SGCZ: variants seen among roughly 807,000 people sequenced by gnomAD.
SGCZ encodes the protein zeta-sarcoglycan.
SGCZ carries 40 observed loss-of-function variants against 41.3 expected under a neutral mutation model. The observed-to-expected ratio is 0.97, with a 90% CI of 0.75 to 1.26. The LOEUF (loss-of-function observed/expected upper bound fraction) is 1.26. Ranked by LOEUF, SGCZ falls within the 50% of genes most tolerant of loss-of-function variation. SGCZ has a pLI of 0.00. For missense variants in SGCZ, 552 were observed against 369.8 expected, an observed-to-expected ratio of 1.49 and a Z score of -4.04; for synonymous variants, 206 against 137.5, an observed-to-expected ratio of 1.50 and a Z score of -3.49.
chr8:15,003,362 A>G (rs1199182500), intron 1 of SGCZ, among the ~76,000 whole-genome samples: 1 of 152,146 alleles, frequency 6.6e-6, no homozygotes, highest in African/African-American at 2.4e-5. Context: ...GTATATCTTT[A>G]TTAGCAGCAT....
At chr8:14,642,011 G>A (rs1368020785) in intron 1 of SGCZ, among the ~76,000 whole-genome samples, 1 of 151,594 alleles carries the variant, frequency 6.6e-6, no homozygotes, top group Non-Finnish European at 1.5e-5. Flanking sequence ...GACCTACATA[G>A]TGTCTTATCT....
At chr8:14,185,669 G>C (rs1332030293) in intron 4 of SGCZ, among the ~76,000 whole-genome samples, 1 of 151,744 alleles carries the variant, frequency 6.6e-6, no homozygotes, top group Non-Finnish European at 1.5e-5. Flanking sequence ...GTTTTGTTTT[G>C]TTGTGTTTTG....
chr8:15,083,824 G>A (rs1251056801), intron 1 of SGCZ, among the ~76,000 whole-genome samples: 2 of 152,052 alleles, frequency 1.3e-5, no homozygotes, highest in African/African-American at 4.8e-5. Context: ...TAGCTCTTGG[G>A]CTCAAACAGT....
In SGCZ at chr8:14,164,632, A is replaced by G; in HGVS notation, c.495T>C (p.Phe165=). The change falls in exon 5 of 8, where the codon TTT becomes TTC. Residue 165 remains phenylalanine (F), a synonymous_variant. Coordinates refer to ENST00000382080, the MANE Select transcript of SGCZ (RefSeq NM_139167.4). ...VRASEDGRVL[F]SADEDEITIG... is the part of the protein sequence containing the mutation. ...TGGTAATCTCATCTTCATCTGCAGA[A>G]AACAGCACCCTGCCATCTTCACTGG... is the stretch of plus-strand genomic sequence containing the variant. 1 of 1,613,644 alleles carries G rather than the reference A, an allele frequency of 6.2e-7. No individual in the cohort carries two copies.
chr8:14,839,823 C>A (rs570245900), intron 1 of SGCZ, among the ~76,000 whole-genome samples: 1 of 152,264 alleles, frequency 6.6e-6, no homozygotes, highest in Non-Finnish European at 1.5e-5. Flanking sequence ...TCTATTACTT[C>A]ATCTAGCCTG....
intron 2 of SGCZ, among the ~76,000 whole-genome samples, chr8:14,400,878 G>A (rs1799052158): frequency 6.6e-6 from 1 of 152,128 alleles, no homozygotes; most frequent in Non-Finnish European, 1.5e-5. Context: ...GATCTCCAAA[G>A]AGTTTAAATT....
At position 14,195,754 on chromosome 8, in the gene SGCZ, T is replaced by C. The variant is rs77030788; in HGVS notation, c.425-31052A>G. Among the ~76,000 whole-genome samples the C allele has an allele frequency of 5.0e-3, 761 of 152,258 alleles. 17 individuals carry two copies. The highest frequency in any genetic ancestry group is 0.049 in the East Asian group (255 of 5,172). Reference sequence around the variant, plus strand: ...TGATGACATAGGAGAGCAATATCTTTAAAATGCCAAAACAATAACAAAAAC... The same window carrying C: ...TGATGACATAGGAGAGCAATATCTTCAAAATGCCAAAACAATAACAAAAAC... On this transcript the variant is annotated intron_variant, in intron 4 of 7. Transcript: ENST00000382080.
At chr8:14,751,324 G>A (rs1799491816) in intron 1 of SGCZ, among the ~76,000 whole-genome samples, 1 of 152,096 alleles carries the variant, frequency 6.6e-6, no homozygotes, top group African/African-American at 2.4e-5. Context: ...CACTTAGAAT[G>A]GAATCAGTGG....
At chr8:14,930,005 C>T (rs1037117590) in intron 1 of SGCZ, among the ~76,000 whole-genome samples, 1 of 151,890 alleles carries the variant, frequency 6.6e-6, no homozygotes, top group Non-Finnish European at 1.5e-5. Flanking sequence ...TCCTGACATC[C>T]CTGAACTTTG....
Position 14,237,603 on chromosome 8 carries a change from T to C in SGCZ, c.413A>G (p.Gln138Arg). The C allele has an allele frequency of 1.2e-6, 2 of 1,613,888 alleles. No homozygotes were observed. The highest frequency in any genetic ancestry group is 1.7e-6 in the Non-Finnish European group (2 of 1,179,818). ...ARNHMGQLTG[Q>R]LTIGADAVEA... is the part of the protein sequence containing the mutation. ...CCCAAAACACTCACCTATGGTCAGC[T>C]GTCCGGTTAACTGCCCCATGTGATT... The change falls in exon 4 of 8, where the codon CAG becomes CGG. Residue 138 changes from glutamine (Q) to arginine (R), a missense_variant. Coordinates refer to ENST00000382080, the MANE Select transcript of SGCZ (RefSeq NM_139167.4).
At chr8:15,203,334 C>T (rs1585670339) in intron 1 of SGCZ, among the ~76,000 whole-genome samples, 1 of 152,070 alleles carries the variant, frequency 6.6e-6, no homozygotes, top group African/African-American at 2.4e-5. Context: ...ACAAAATCGA[C>T]AGTAGTGGGA....
At chr8:14,115,604 A>G (rs1335710778) in intron 5 of SGCZ, among the ~76,000 whole-genome samples, 2 of 152,120 alleles carry the variant, frequency 1.3e-5, no homozygotes, top group Middle Eastern at 3.4e-3. Context: ...TAAAATACAG[A>G]TATGATAGCT....
At chr8:14,943,776 T>G (rs1309641993) in intron 1 of SGCZ, among the ~76,000 whole-genome samples, 1 of 152,136 alleles carries the variant, frequency 6.6e-6, no homozygotes, top group East Asian at 1.9e-4. Context: ...TTCCCCTCTT[T>G]GTGTTCATGT....
chr8:14,396,227 G>T (rs77703953), intron 2 of SGCZ, among the ~76,000 whole-genome samples: 1 of 151,998 alleles, frequency 6.6e-6, no homozygotes, highest in African/African-American at 2.4e-5. Flanking sequence ...TAGTTCCTAC[G>T]CAATATACTT....
At chr8:14,551,940 A>T (rs1030623912) in intron 2 of SGCZ, among the ~76,000 whole-genome samples, 2 of 151,756 alleles carry the variant, frequency 1.3e-5, no homozygotes, top group East Asian at 3.9e-4. Context: ...TGCTAAAAAT[A>T]CAATATTTTG....
chr8:14,250,110 G>C (rs974667571), intron 3 of SGCZ, among the ~76,000 whole-genome samples: 2 of 152,164 alleles, frequency 1.3e-5, no homozygotes, highest in Non-Finnish European at 2.9e-5. Flanking sequence ...TGCCAACAAA[G>C]CTGGTCTGCA....
intron 2 of SGCZ, among the ~76,000 whole-genome samples, chr8:14,420,701 C>G (rs1799615520): frequency 6.6e-6 from 1 of 151,986 alleles, no homozygotes; most frequent in Non-Finnish European, 1.5e-5. Context: ...ATGTGACGAG[C>G]CCACCAGACA....
chr8:14,105,383 C>T (rs1042505831), intron 6 of SGCZ, among the ~76,000 whole-genome samples: 1 of 151,950 alleles, frequency 6.6e-6, no homozygotes, highest in Non-Finnish European at 1.5e-5. Flanking sequence ...TTCACAATAA[C>T]AAAACCAAAG....
At chr8:14,829,568 G>A (rs1156275285) in intron 1 of SGCZ, among the ~76,000 whole-genome samples, 1 of 152,000 alleles carries the variant, frequency 6.6e-6, no homozygotes, top group South Asian at 2.1e-4. Context: ...AGAAATTAAG[G>A]TTGTTAATGT....
Sources: allele counts gnomAD v4.1 joint callset (sites outside exome capture counted in the v4.1 genomes callset), GRCh38; gene constraint gnomAD v4.1.1; transcripts MANE v1.5; gene names NCBI Gene and HGNC (gene_info 2026-07-23, HGNC 2026-07-21).